CCDC85C: variants seen among roughly 807,000 people sequenced by gnomAD.
The protein encoded by CCDC85C is coiled-coil domain containing 85C.
Under a neutral mutation model 38.3 loss-of-function variants are expected in CCDC85C, and 18 were observed. The ratio of observed to expected loss-of-function variants is 0.47; its 90% CI spans 0.33 to 0.70. The LOEUF is 0.70. CCDC85C is among the 30% of genes least tolerant of loss of function. CCDC85C has a pLI of 0.03. For synonymous variants in CCDC85C, 264 were observed against 293.8 expected (o/e 0.90, Z 1.04); for missense variants, 566 against 621.2 (o/e 0.91, Z 0.94).
chr14:99,529,624 G>A (rs971789258), intron 2 of CCDC85C, among the ~76,000 whole-genome samples: 1 of 152,206 alleles, frequency 6.6e-6, no homozygotes, highest in Non-Finnish European at 1.5e-5. Flanking sequence ...GGCTGGTCTT[G>A]AACTTCTGAT....
chr14:99,515,279 G>A lies in CCDC85C; in HGVS notation c.1227C>T (p.His409=). 6.4e-7 allele frequency: 1 copy of A among 1,550,870 alleles called. No homozygotes were observed. Among genetic ancestry groups the A allele is most frequent in the Non-Finnish European group, 8.7e-7 (1 of 1,146,834 alleles). ...AASSKPSIRQ[H]LSGNQFKGPL The stretch of plus-strand genomic sequence containing the variant: ...GCCCCTTGAACTGGTTCCCAGACAG[G>A]TGCTGCCGTATGGAGGGCTTGGAGC... Residue 409 remains histidine (H), a synonymous_variant, in exon 6 of 6, where the codon CAC becomes CAT. Transcript: ENST00000380243.
intron 1 of CCDC85C, among the ~76,000 whole-genome samples, chr14:99,601,041 G>A: frequency 6.6e-6 from 1 of 152,138 alleles, no homozygotes; most frequent in South Asian, 2.1e-4. Context: ...AGGGAAAAAA[G>A]AAAGAAAGAA....
chr14:99,586,202 C>T (rs1232052468), intron 1 of CCDC85C, among the ~76,000 whole-genome samples: 1 of 152,230 alleles, frequency 6.6e-6, no homozygotes, highest in Non-Finnish European at 1.5e-5. Flanking sequence ...CTGCCCCCGC[C>T]CCTCCCTACA....
chr14:99,603,671 T>C lies in CCDC85C; in HGVS notation c.289A>G (p.Lys97Glu). The change falls in exon 1 of 6, where the codon AAG becomes GAG. Residue 97 changes from lysine (K) to glutamate (E), a missense_variant. Around this residue, in one of 3 missense-constraint regions of CCDC85C, gnomAD observed 269 missense variants for 308.2 expected, o/e 0.87. Coordinates refer to ENST00000380243, the MANE Select transcript of CCDC85C (RefSeq NM_001144995.2). The surrounding 1 kb of genome is among the most constrained non-coding windows in gnomAD (Gnocchi z 7.5). ...CACTCGCGCGCCAGCTTGCGCCCCT[T>C]CTGCCGGTCGTCGTCGAGGAAGCAG... ...LCCFLDDDRQ[K>E]GRKLAREWQR... is the part of the protein sequence containing the mutation. 1 of 1,493,782 alleles carries C rather than the reference T, an allele frequency of 6.7e-7. No individual in the cohort carries two copies. Among genetic ancestry groups the C allele is most frequent in the Non-Finnish European group, 8.9e-7 (1 of 1,123,722 alleles). 92.5% of individuals were successfully genotyped at this position (1,493,782 alleles called of 1,614,324 possible).
Position 99,572,996 on chromosome 14 carries a change from C to T in CCDC85C, c.793+30171G>A, listed in dbSNP as rs1022122701. The T allele has an allele frequency of 1.1e-4, 40 of 368,320 alleles. No individual in the cohort carries two copies. Among genetic ancestry groups the T allele is most frequent in the African/African-American group, 8.1e-4 (38 of 47,100 alleles). 22.8% of individuals were successfully genotyped at this position (368,320 alleles called of 1,614,324 possible). ...GCAGCAGCCTCAGAGCAGAAGGCAC[C>T]CTGGTGACCGCAGGAGACGCCACAC... On this transcript the variant is annotated intron_variant, in intron 1 of 5. Coordinates refer to ENST00000380243, the MANE Select transcript of CCDC85C (RefSeq NM_001144995.2). The surrounding 1 kb of genome is among the most constrained non-coding windows in gnomAD (Gnocchi z 4.4).
intron 1 of CCDC85C, among the ~76,000 whole-genome samples, chr14:99,587,452 G>T (rs1011665712): frequency 6.6e-6 from 1 of 152,192 alleles, no homozygotes; most frequent in African/African-American, 2.4e-5. Context: ...CAAGAACAGG[G>T]TACATGGATT....
chr14:99,583,763 G>A (rs1044343227), intron 1 of CCDC85C, among the ~76,000 whole-genome samples: 4 of 149,932 alleles, frequency 2.7e-5, no homozygotes, highest in Admixed American at 1.3e-4. Flanking sequence ...AGCCGAGATC[G>A]CGTCACTGCG....
rs752760471 is a variant in CCDC85C at position 99,515,351 on chromosome 14, A to G, written c.1171-16T>C. ...TCCAGACCACCTGTGGAGAGGAGAG[A>G]GATGTGAGTGGTGGGACTCACCCGC... On this transcript the variant is annotated splice_polypyrimidine_tract_variant and intron_variant, in intron 5 of 5. Transcript: ENST00000380243. The G allele has an allele frequency of 6.5e-7, 1 of 1,545,280 alleles. No homozygotes were observed. Among genetic ancestry groups the G allele is most frequent in the South Asian group, 1.2e-5 (1 of 83,928 alleles).
Position 99,506,799 on chromosome 14 carries a change from G to T in CCDC85C, c.*8447C>A, listed in dbSNP as rs1233082580. The T allele has an allele frequency of 2.3e-6, 1 of 425,646 alleles. No individual in the cohort carries two copies. The highest frequency in any genetic ancestry group is 4.4e-6 in the Non-Finnish European group (1 of 226,982). 26.4% of individuals were successfully genotyped at this position (425,646 alleles called of 1,614,324 possible). On this transcript the variant is annotated 3_prime_UTR_variant, in exon 6 of 6. Coordinates refer to ENST00000380243, the MANE Select transcript of CCDC85C (RefSeq NM_001144995.2). ...TCTGCTGGTCTCACATGGTCGGAAGGACTTGAGTGAAGTGGTCAGCAAGGA... is the reference window on the plus strand; with the variant it reads ...TCTGCTGGTCTCACATGGTCGGAAGTACTTGAGTGAAGTGGTCAGCAAGGA...
At chr14:99,559,995 C>A (rs928120085) in intron 1 of CCDC85C, among the ~76,000 whole-genome samples, 5 of 138,282 alleles carry the variant, frequency 3.6e-5, no homozygotes, top group African/African-American at 1.5e-4. Flanking sequence ...GGGAACACAT[C>A]CCCTTTGAAA....
chr14:99,545,043 G>GT lies in CCDC85C; in HGVS notation c.794-8956dup, dbSNP rs1276056510. Among the ~76,000 whole-genome samples the GT allele has an allele frequency of 2.6e-5, 4 of 152,222 alleles. No homozygotes were observed. Among genetic ancestry groups the GT allele is most frequent in the African/African-American group, 9.7e-5 (4 of 41,446 alleles). ...TTCCCAGTGCCTCCAGGGAAAAAAA[G>GT]TAGCTAGAGAAGAGGAAAACGAACG... On this transcript the variant is annotated intron_variant, in intron 1 of 5. Transcript: ENST00000380243. This position sits in a 1 kb window ranked among gnomAD's most constrained non-coding sequence, Gnocchi z 4.7.
chr14:99,573,261 G>T lies in CCDC85C; in HGVS notation c.793+29906C>A, dbSNP rs1898396631. ...GCTCCCTGCAGGGGATTGAGCCATG[G>T]GTGGCCAGGACTCTAGCAGGAACCC... On this transcript the variant is annotated intron_variant, in intron 1 of 5. Transcript: ENST00000380243. Among the ~76,000 whole-genome samples, 3 of 152,316 alleles carry T rather than the reference G, an allele frequency of 2.0e-5. No individual in the cohort carries two copies. In the South Asian group the frequency reaches 6.2e-4, roughly 32 times the overall value.
At chr14:99,570,523 G>A (rs535554397) in intron 1 of CCDC85C, among the ~76,000 whole-genome samples, 1 of 152,156 alleles carries the variant, frequency 6.6e-6, no homozygotes, top group African/African-American at 2.4e-5. Flanking sequence ...GCAGGGGCTC[G>A]GGGCTGGGCC....
rs1278708103 is a variant in CCDC85C, at chr14:99,514,253, C to T, written c.*993G>A. 6.6e-6 allele frequency: 1 copy of T among 152,496 alleles called. No homozygotes were observed. The highest frequency in any genetic ancestry group is 1.5e-5 in the Non-Finnish European group (1 of 68,258). The allele number at this position is 152,496 out of a possible 1,614,324, so 9.4% of individuals were successfully genotyped here. The stretch of plus-strand genomic sequence containing the variant: ...GAACTGCTAAAGGTCACACCACAAA[C>T]TAAAGGCAGAACCTGGCCAGACACG... On this transcript the variant is annotated 3_prime_UTR_variant, in exon 6 of 6. Coordinates refer to ENST00000380243, the MANE Select transcript of CCDC85C (RefSeq NM_001144995.2).
intron 1 of CCDC85C, among the ~76,000 whole-genome samples, chr14:99,598,267 A>C (rs921779005): frequency 1.7e-4 from 26 of 152,368 alleles, no homozygotes; most frequent in African/African-American, 6.0e-4. Context: ...AACTTGCTTA[A>C]CAGACTTCCA....
chr14:99,585,059 C>T (rs956999477), intron 1 of CCDC85C, among the ~76,000 whole-genome samples: 16 of 152,302 alleles, frequency 1.1e-4, no homozygotes, highest in Non-Finnish European at 2.1e-4. Flanking sequence ...TGGGCAACCA[C>T]ACTCCAGCCT....
intron 1 of CCDC85C, among the ~76,000 whole-genome samples, chr14:99,600,786 C>T (rs1436832806): frequency 6.6e-6 from 1 of 152,228 alleles, no homozygotes; most frequent in Non-Finnish European, 1.5e-5. Flanking sequence ...ACTTTAGACA[C>T]CACCCAGACA....
intron 3 of CCDC85C, among the ~76,000 whole-genome samples, chr14:99,521,505 G>T (rs771336000): frequency 6.6e-6 from 1 of 152,166 alleles, no homozygotes; most frequent in Non-Finnish European, 1.5e-5. Context: ...TGCAGGTGCC[G>T]CAACGAGAAC....
Position 99,572,652 on chromosome 14 carries a change from G to C in CCDC85C, c.793+30515C>G. The C allele has an allele frequency of 4.4e-6, 2 of 455,710 alleles. No homozygotes were observed. Among genetic ancestry groups the C allele is most frequent in the Non-Finnish European group, 8.8e-6 (2 of 226,606 alleles). 28.2% of individuals were successfully genotyped at this position (455,710 alleles called of 1,614,324 possible). On this transcript the variant is annotated intron_variant, in intron 1 of 5. Coordinates refer to ENST00000380243, the MANE Select transcript of CCDC85C (RefSeq NM_001144995.2). The surrounding 1 kb of genome is among the most constrained non-coding windows in gnomAD (Gnocchi z 4.4). ...ACAGCTGCTTATCATCCAAGCCCCA[G>C]GTGACCTGGCCCCTCCTTAAGAGGC...
Sources: gnomAD v4.1 joint callset for allele counts (sites outside exome capture counted in the v4.1 genomes callset) on GRCh38, gnomAD v4.1.1 for gene constraint, gnomAD v4.1.1 regional missense constraint, Gnocchi (gnomAD v3.1) non-coding constraint, MANE v1.5 for transcripts, NCBI Gene and HGNC (gene_info 2026-07-23, HGNC 2026-07-21) for gene names.